The following COL23A1 variants were observed in gnomAD, a reference collection of about 807,000 sequenced individuals.
The protein encoded by COL23A1 is collagen type XXIII alpha 1 chain.
In COL23A1, 97 loss-of-function variants were observed where a neutral mutation model predicts 99.3. That is an observed-to-expected ratio of 0.98 (90% CI 0.83 to 1.16). The LOEUF is 1.16. Among genes scored for constraint, COL23A1 ranks in the 50% most tolerant of loss-of-function variants. The pLI is 0.00. For synonymous variants in COL23A1, 320 were observed against 308.2 expected (o/e 1.04, Z -0.40); for missense variants, 762 against 757.4 (o/e 1.01, Z -0.07).
intron 2 of COL23A1, among the ~76,000 whole-genome samples, chr5:178,382,181 G>A (rs1210182754): frequency 6.6e-6 from 1 of 152,134 alleles, no homozygotes; most frequent in East Asian, 1.9e-4. Flanking sequence ...AGAGAGGCTG[G>A]GTGTCTGCTG....
intron 1 of COL23A1, among the ~76,000 whole-genome samples, chr5:178,582,017 C>T (rs1581680268): frequency 6.6e-6 from 1 of 151,738 alleles, no homozygotes. Context: ...TAAATCAAGA[C>T]ATAGCTTGGT....
At chr5:178,481,217 C>A (rs968691860) in intron 2 of COL23A1, among the ~76,000 whole-genome samples, 4 of 150,172 alleles carry the variant, frequency 2.7e-5, no homozygotes, top group African/African-American at 9.8e-5. Context: ...AACAATGTGA[C>A]CATAATAAAA....
At chr5:178,372,491 C>A (rs1247218691) in intron 2 of COL23A1, among the ~76,000 whole-genome samples, 2 of 152,234 alleles carry the variant, frequency 1.3e-5, no homozygotes, top group African/African-American at 2.4e-5. Flanking sequence ...GCAGCGTCCA[C>A]AGGAACGAAA....
chr5:178,457,577 T>A (rs905141551), intron 2 of COL23A1, among the ~76,000 whole-genome samples: 2 of 151,998 alleles, frequency 1.3e-5, no homozygotes, highest in African/African-American at 2.4e-5. Context: ...TAGAAAAAAA[T>A]TTTACTTCAA....
rs373773117 is a variant in COL23A1, at chr5:178,372,570, C to T, written c.362-65651G>A. ...AGGTGGAGAGTGACAGCCCAGCTTC[C>T]GATTTCTTTTTTCCTTTTTCCAGAC... is the stretch of plus-strand genomic sequence containing the variant. On this transcript the variant is annotated intron_variant, in intron 2 of 28. Transcript: ENST00000390654. 3.9e-5 allele frequency among the ~76,000 whole-genome samples: 6 copies of T among 152,240 alleles called. No individual in the cohort carries two copies. The East Asian group carries it at 5.8e-4, about 15-fold the overall frequency.
intron 2 of COL23A1, among the ~76,000 whole-genome samples, chr5:178,419,529 T>C (rs1765486833): frequency 6.6e-6 from 1 of 152,204 alleles, no homozygotes; most frequent in Admixed American, 6.5e-5. Flanking sequence ...CAGCCTGTTT[T>C]GTAGATGAGA....
intron 2 of COL23A1, among the ~76,000 whole-genome samples, chr5:178,490,882 T>G: frequency 6.6e-6 from 1 of 152,186 alleles, no homozygotes; most frequent in South Asian, 2.1e-4. Flanking sequence ...AAAGAGTGAA[T>G]TTTACTGCAT....
intron 1 of COL23A1, among the ~76,000 whole-genome samples, chr5:178,580,102 T>C (rs1486181236): frequency 2.0e-5 from 3 of 151,748 alleles, no homozygotes; most frequent in South Asian, 2.1e-4. Flanking sequence ...CCAAGGCGGG[T>C]GGATCACTTG....
At chr5:178,264,909 G>T (rs1233337940) in intron 8 of COL23A1, among the ~76,000 whole-genome samples, 1 of 152,314 alleles carries the variant, frequency 6.6e-6, no homozygotes, top group South Asian at 2.1e-4. Flanking sequence ...GCCTCCCAAA[G>T]TGCTGGGATT....
intron 2 of COL23A1, among the ~76,000 whole-genome samples, chr5:178,417,016 A>G (rs780170430): frequency 2.0e-5 from 3 of 152,172 alleles, no homozygotes; most frequent in Admixed American, 6.5e-5. Context: ...CCTGAGACTT[A>G]GGGGCCTTGT....
intron 2 of COL23A1, among the ~76,000 whole-genome samples, chr5:178,558,173 G>A (rs1762382745): frequency 6.6e-6 from 1 of 151,850 alleles, no homozygotes; most frequent in South Asian, 2.1e-4. Flanking sequence ...GAGGAGTTCA[G>A]GACCCCTGTT....
rs183665794 is a variant in COL23A1 at position 178,459,799 on chromosome 5, A to G, written c.361+100883T>C. On this transcript the variant is annotated intron_variant, in intron 2 of 28. Transcript: ENST00000390654. Reference sequence around the variant, plus strand: ...TAAAAAGGGTTAGAAGACATTTCAAATAAGATTTTTTTCCCTAAACAATTT... The same window carrying G: ...TAAAAAGGGTTAGAAGACATTTCAAGTAAGATTTTTTTCCCTAAACAATTT... Among the ~76,000 whole-genome samples, 83 of 152,268 alleles carry G rather than the reference A, an allele frequency of 5.5e-4. No homozygotes were observed. In the Middle Eastern group the frequency reaches 0.01, roughly 19 times the overall value.
chr5:178,536,585 G>A (rs115572731), intron 2 of COL23A1, among the ~76,000 whole-genome samples: 6 of 152,332 alleles, frequency 3.9e-5, no homozygotes, highest in African/African-American at 1.4e-4. Context: ...GAGGCCTGCT[G>A]GGAGCCTCCC....
chr5:178,397,598 C>T (rs893485490), intron 2 of COL23A1, among the ~76,000 whole-genome samples: 2 of 152,250 alleles, frequency 1.3e-5, no homozygotes, highest in African/African-American at 4.8e-5. Flanking sequence ...ATAACCGTTA[C>T]ATGCCATAAA....
chr5:178,376,865 G>C (rs1475378461), intron 2 of COL23A1, among the ~76,000 whole-genome samples: 1 of 152,206 alleles, frequency 6.6e-6, no homozygotes, highest in African/African-American at 2.4e-5. Flanking sequence ...GGACAGGAGT[G>C]AAAGGGAAAT....
At position 178,313,611 on chromosome 5, in the gene COL23A1, C is replaced by T. The variant is rs1242325053; in HGVS notation, c.362-6692G>A. On this transcript the variant is annotated intron_variant, in intron 2 of 28. Transcript: ENST00000390654. The surrounding 1 kb of genome is among the most constrained non-coding windows in gnomAD (Gnocchi z 4.2). ...GTGACTTCGGAGTCTGTCCCCTGAACATCTGTGTGTGATTTCCAGTGTGAC... is the reference window on the plus strand; with the variant it reads ...GTGACTTCGGAGTCTGTCCCCTGAATATCTGTGTGTGATTTCCAGTGTGAC... Among the ~76,000 whole-genome samples, 1 of 152,222 alleles carries T rather than the reference C, an allele frequency of 6.6e-6. No individual in the cohort carries two copies. Among genetic ancestry groups the T allele is most frequent in the African/African-American group, 2.4e-5 (1 of 41,454 alleles).
intron 2 of COL23A1, among the ~76,000 whole-genome samples, chr5:178,312,558 T>C (rs993797349): frequency 6.6e-6 from 1 of 151,730 alleles, no homozygotes; most frequent in African/African-American, 2.4e-5. Flanking sequence ...GATTTGGCTC[T>C]CTAAGTGGCT....
intron 2 of COL23A1, among the ~76,000 whole-genome samples, chr5:178,536,426 G>A (rs377381820): frequency 5.3e-5 from 8 of 152,250 alleles, no homozygotes; most frequent in Admixed American, 1.3e-4. Flanking sequence ...CACAGGGCCC[G>A]AATCTGATGT....
intron 3 of COL23A1, among the ~76,000 whole-genome samples, chr5:178,296,331 C>T (rs952382960): frequency 9.9e-5 from 15 of 152,150 alleles, no homozygotes; most frequent in African/African-American, 2.9e-4. Flanking sequence ...CCACTGAATG[C>T]GTTCCCCAGA....
Sources: allele counts gnomAD v4.1 joint callset (sites outside exome capture counted in the v4.1 genomes callset), GRCh38; gene constraint gnomAD v4.1.1; non-coding constraint Gnocchi (gnomAD v3.1); transcripts MANE v1.5; gene names NCBI Gene and HGNC (gene_info 2026-07-23, HGNC 2026-07-21).